PDE10A: variants seen among roughly 807,000 people sequenced by gnomAD.
PDE10A encodes phosphodiesterase 10A.
In PDE10A, 39 loss-of-function variants were observed where a neutral mutation model predicts 97.7. That is an observed-to-expected ratio of 0.40 (90% CI 0.31 to 0.52). The LOEUF (loss-of-function observed/expected upper bound fraction) is 0.52. PDE10A is among the 20% of genes least tolerant of loss of function. The pLI is 0.56. For missense variants in PDE10A, 731 were observed against 1,047.8 expected (o/e 0.70, Z 4.17); for synonymous variants, 371 against 376.8 (o/e 0.98, Z 0.18).
At chr6:165,344,328 T>G (rs1782168311) in intron 18 of PDE10A, among the ~76,000 whole-genome samples, 1 of 152,188 alleles carries the variant, frequency 6.6e-6, no homozygotes, top group Non-Finnish European at 1.5e-5. Context: ...GTGGTAGTAA[T>G]TAAGACAGTT....
At chr6:165,654,763 G>A (rs543009133) in intron 1 of PDE10A, among the ~76,000 whole-genome samples, 9 of 152,190 alleles carry the variant, frequency 5.9e-5, no homozygotes, top group South Asian at 2.1e-4. Context: ...CCACTCCACC[G>A]CAATCTCCCG....
chr6:165,566,112 T>C (rs1027549252), intron 1 of PDE10A, among the ~76,000 whole-genome samples: 17 of 152,186 alleles, frequency 1.1e-4, no homozygotes, highest in African/African-American at 3.6e-4. Context: ...TTTTCTGCTC[T>C]GCAAAAGAAA....
chr6:165,892,659 G>A (rs888125785), intron 1 of PDE10A, among the ~76,000 whole-genome samples: 9 of 152,170 alleles, frequency 5.9e-5, no homozygotes, highest in East Asian at 1.9e-4. Flanking sequence ...GTGAGTGGCC[G>A]TGTCTCCCTC....
chr6:165,551,079 T>C (rs1783991956), intron 1 of PDE10A, among the ~76,000 whole-genome samples: 1 of 152,212 alleles, frequency 6.6e-6, no homozygotes, highest in African/African-American at 2.4e-5. Context: ...AGCAGTGTTA[T>C]ACCACCACAC....
At chr6:165,921,328 G>A (rs36110919) in intron 1 of PDE10A, among the ~76,000 whole-genome samples, 2,949 of 152,260 alleles carry the variant, frequency 0.019, 38 homozygotes, top group Non-Finnish European at 0.031. Context: ...TGGAGGTGGT[G>A]GTTTATTTAT....
chr6:165,518,289 C>A (rs1295192957), intron 2 of PDE10A, among the ~76,000 whole-genome samples: 6 of 152,180 alleles, frequency 3.9e-5, no homozygotes, highest in Non-Finnish European at 5.9e-5. Flanking sequence ...CCTTCATCTG[C>A]AGTTTTACTT....
rs977826468 is a variant in PDE10A at position 165,655,912 on chromosome 6, CCA to C, written c.865+6033_865+6034del. Among the ~76,000 whole-genome samples the C allele has an allele frequency of 3.3e-5, 5 of 152,042 alleles. No individual in the cohort carries two copies. Among genetic ancestry groups the C allele is most frequent in the African/African-American group, 1.2e-4 (5 of 41,374 alleles). ...CCCCCTCTGCCTAGGGTGCTTTTCC[CCA>C]GATAACTGCATGGCCGATGACACCT... On this transcript the variant is annotated intron_variant, in intron 1 of 21. Transcript: ENST00000539869. This position sits in a 1 kb window ranked among gnomAD's most constrained non-coding sequence, Gnocchi z 4.5.
At chr6:165,406,514 C>T (rs220777) in intron 13 of PDE10A, among the ~76,000 whole-genome samples, 107,201 of 151,910 alleles carry the variant, frequency 0.71, 38,465 homozygotes, top group Middle Eastern at 0.84. Context: ...GAACCCTATC[C>T]TTGCTCTACC....
Position 165,819,545 on chromosome 6 carries a change from A to C in PDE10A, c.-615+167984T>G, listed in dbSNP as rs1305289299. 1.3e-5 allele frequency among the ~76,000 whole-genome samples: 2 copies of C among 152,060 alleles called. No individual in the cohort carries two copies. Among genetic ancestry groups the C allele is most frequent in the Non-Finnish European group, 2.9e-5 (2 of 68,008 alleles). On this transcript the variant is annotated intron_variant, in intron 1 of 19. Coordinates refer to the PDE10A transcript ENST00000366882. The surrounding 1 kb of genome is among the most constrained non-coding windows in gnomAD (Gnocchi z 4.2). Reference sequence around the variant, plus strand: ...CTCCTCCGACCTCCGAAGAGTGGTCATTGATTTGTCCTTCAGGCCTCATCC... The same window carrying C: ...CTCCTCCGACCTCCGAAGAGTGGTCCTTGATTTGTCCTTCAGGCCTCATCC...
rs111282127 is a variant in PDE10A at position 165,339,584 on chromosome 6, T to C, written c.2896-226A>G. The stretch of plus-strand genomic sequence containing the variant: ...ACTGAATTACCAGAAACCCAGCCAT[T>C]ATTACTGGTTTCATTTTGCAGAAGT... On this transcript the variant is annotated intron_variant, in intron 19 of 21. Coordinates refer to ENST00000539869, the MANE Select transcript of PDE10A (RefSeq NM_001385079.1). 5.8e-3 allele frequency among the ~76,000 whole-genome samples: 890 copies of C among 152,300 alleles called. 12 individuals are homozygous for C. The highest frequency in any genetic ancestry group is 0.02 in the African/African-American group (829 of 41,552).
chr6:165,605,131 T>G (rs1787147190), intron 1 of PDE10A, among the ~76,000 whole-genome samples: 1 of 152,166 alleles, frequency 6.6e-6, no homozygotes, highest in Non-Finnish European at 1.5e-5. Flanking sequence ...CCATCTCCTC[T>G]GCCTGAATTT....
In PDE10A at chr6:165,388,847, A is replaced by G. The variant is rs1226451903; in HGVS notation, c.2455-394T>C. 2.0e-5 allele frequency among the ~76,000 whole-genome samples: 3 copies of G among 152,264 alleles called. No homozygotes were observed. Among genetic ancestry groups the G allele is most frequent in the African/African-American group, 4.8e-5 (2 of 41,464 alleles). On this transcript the variant is annotated intron_variant, in intron 16 of 21. Transcript: ENST00000539869. This position sits in a 1 kb window ranked among gnomAD's most constrained non-coding sequence, Gnocchi z 4.0. ...AATCTATTCAATGTTAAATTCTAAC[A>G]ATGCTATTGCTATTATAAACAATAA...
intron 1 of PDE10A, among the ~76,000 whole-genome samples, chr6:165,590,251 C>T (rs1786169566): frequency 6.6e-6 from 1 of 152,114 alleles, no homozygotes; most frequent in African/African-American, 2.4e-5. Flanking sequence ...GTGTTTTTCA[C>T]AAAAATTCTA....
At chr6:165,775,984 C>A (rs961743126) in intron 1 of PDE10A, among the ~76,000 whole-genome samples, 1 of 152,174 alleles carries the variant, frequency 6.6e-6, no homozygotes, top group African/African-American at 2.4e-5. Context: ...TCAGCTTCAA[C>A]ATTGCCAGAG....
chr6:165,348,141 T>A (rs12181711), intron 18 of PDE10A, among the ~76,000 whole-genome samples: 12,169 of 152,214 alleles, frequency 0.08, 546 homozygotes, highest in Middle Eastern at 0.2. Flanking sequence ...GAATAAACAT[T>A]TTCATTTTAG....
At chr6:165,622,403 T>C (rs1788187107) in intron 1 of PDE10A, among the ~76,000 whole-genome samples, 1 of 152,122 alleles carries the variant, frequency 6.6e-6, no homozygotes, top group Admixed American at 6.5e-5. Context: ...ACCCATATGG[T>C]CCAGCCTACT....
At chr6:165,403,488 G>C (rs555610640) in intron 13 of PDE10A, among the ~76,000 whole-genome samples, 155 of 152,070 alleles carry the variant, frequency 1.0e-3, no homozygotes, top group Admixed American at 1.5e-3. Context: ...CACACCAACT[G>C]GTATTCTTTA....
chr6:165,451,155 C>G (rs1015527761), intron 3 of PDE10A, among the ~76,000 whole-genome samples: 1 of 152,096 alleles, frequency 6.6e-6, no homozygotes, highest in African/African-American at 2.4e-5. Context: ...GCCACCATAG[C>G]AAGAGTTAGG....
At chr6:165,432,416 G>A (rs1238294651) in intron 7 of PDE10A, among the ~76,000 whole-genome samples, 5 of 152,204 alleles carry the variant, frequency 3.3e-5, no homozygotes, top group African/African-American at 7.2e-5. Context: ...AGGATCCAGC[G>A]TGGCTGGAGC....
Sources: gnomAD v4.1 joint callset for allele counts (sites outside exome capture counted in the v4.1 genomes callset) on GRCh38, gnomAD v4.1.1 for gene constraint, Gnocchi (gnomAD v3.1) non-coding constraint, MANE v1.5 for transcripts, NCBI Gene and HGNC (gene_info 2026-07-23, HGNC 2026-07-21) for gene names.